Variants in BNIP2 observed in about 807,000 individuals in gnomAD.
BNIP2 encodes BCL2/adenovirus E1B 19 kDa protein-interacting protein 2.
Under a neutral mutation model 43.4 loss-of-function variants are expected in BNIP2, and 36 were observed. The ratio of observed to expected loss-of-function variants is 0.83; its 90% CI spans 0.64 to 1.10. The LOEUF (loss-of-function observed/expected upper bound fraction) is 1.10. BNIP2 is among the 50% of genes least tolerant of loss of function. The probability of loss-of-function intolerance (pLI) is 0.00; values close to 1 mark genes in which losing one functional copy is unlikely to be tolerated. For missense variants in BNIP2, 417 were observed against 374.1 expected, an observed-to-expected ratio of 1.11 and a Z score of -0.95; for synonymous variants, 146 against 121.0, an observed-to-expected ratio of 1.21 and a Z score of -1.35.
intron 5 of BNIP2, chr15:59,676,929 T>A: frequency 6.2e-7 from 1 of 1,610,244 alleles, no homozygotes; most frequent in South Asian, 1.1e-5. Context: ...CTCTTCACCC[T>A]CTGCGAGAAC....
intron 1 of BNIP2, 129 bp from the exon 2 acceptor site, chr15:59,682,643 C>G (rs1178914610): frequency 1.8e-5 from 12 of 672,684 alleles, no homozygotes; most frequent in Non-Finnish European, 2.5e-5. Flanking sequence ...AATTCATTTA[C>G]AGGGTTGCAA....
chr15:59,669,266 CA>C lies in BNIP2; in HGVS notation c.794+9del. 1.3e-6 allele frequency: 2 copies of C among 1,525,734 alleles called. No homozygotes were observed. The highest frequency in any genetic ancestry group is 1.8e-6 in the Non-Finnish European group (2 of 1,138,698). 94.5% of individuals were successfully genotyped at this position (1,525,734 alleles called of 1,614,324 possible). On this transcript the variant is annotated intron_variant, in intron 8 of 9. Transcript: ENST00000607373. The stretch of plus-strand genomic sequence containing the variant: ...AAATAAAATTAAAGTCAATGGCTCT[CA>C]AAAATTACCTAATAAATGGTCTTGT...
intron 6 of BNIP2, 40 bp from the exon 7 acceptor site, chr15:59,671,354 G>A: frequency 2.0e-6 from 3 of 1,530,604 alleles, no homozygotes; most frequent in Non-Finnish European, 2.7e-6. Context: ...AAAAATCACT[G>A]TGCATAACTG....
In BNIP2 at chr15:59,677,896, C is replaced by A; in HGVS notation, c.472+15G>T. The A allele has an allele frequency of 6.3e-7, 1 of 1,578,698 alleles. No homozygotes were observed. Among genetic ancestry groups the A allele is most frequent in the Non-Finnish European group, 8.6e-7 (1 of 1,168,142 alleles). On this transcript the variant is annotated intron_variant, in intron 5 of 9. Coordinates refer to ENST00000607373, the MANE Select transcript of BNIP2 (RefSeq NM_004330.4). ...ATTGCATTAAACAATCTGAAAAATC[C>A]TCAGTAACTCTTACCCCCATGGCTG...
chr15:59,681,388 G>C (rs1893656913), intron 2 of BNIP2, among the ~76,000 whole-genome samples: 1 of 150,132 alleles, frequency 6.7e-6, no homozygotes, highest in Admixed American at 6.6e-5. Context: ...AGATAAGCTA[G>C]AAAATCCTTA....
intron 7 of BNIP2, among the ~76,000 whole-genome samples, chr15:59,670,157 C>T (rs532525355): frequency 7.0e-4 from 107 of 152,316 alleles, no homozygotes; most frequent in Non-Finnish European, 1.5e-3. Flanking sequence ...ATACTGAGCG[C>T]TGTGGCTCAT....
intron 2 of BNIP2, among the ~76,000 whole-genome samples, chr15:59,680,668 TG>T (rs1893610530): frequency 6.6e-6 from 1 of 152,212 alleles, no homozygotes; most frequent in East Asian, 1.9e-4. Context: ...CCCTAAGTGT[TG>T]GGATTACAGG....
Position 59,662,138 on chromosome 15 carries a change from T to A in BNIP2, c.*1931A>T, listed in dbSNP as rs1892312259. The A allele has an allele frequency of 6.6e-6, 1 of 152,182 alleles. No homozygotes were observed. The highest frequency in any genetic ancestry group is 6.5e-5 in the Admixed American group (1 of 15,290). The allele number at this position is 152,182 out of a possible 1,614,324, so 9.4% of individuals were successfully genotyped here. On this transcript the variant is annotated 3_prime_UTR_variant, in exon 10 of 10. Transcript: ENST00000607373. ...AAGTTATTCTTCATATTTTTTAAAC[T>A]GAAGAACCAAGTACTTAATGTGGTA...
rs1209002451 is a variant in BNIP2 at position 59,660,752 on chromosome 15, A to C, written c.*3317T>G. On this transcript the variant is annotated 3_prime_UTR_variant, in exon 10 of 10. Coordinates refer to ENST00000607373, the MANE Select transcript of BNIP2 (RefSeq NM_004330.4). ...TTACTAGTGATGTCCATTTTGGAAG[A>C]CTAAATCAATGTTCAGCAACAGTGA... 1 of 151,562 alleles carries C rather than the reference A, an allele frequency of 6.6e-6. No homozygotes were observed. Among genetic ancestry groups the C allele is most frequent in the Non-Finnish European group, 1.5e-5 (1 of 67,978 alleles). 9.4% of individuals were successfully genotyped at this position (151,562 alleles called of 1,614,324 possible).
chr15:59,659,371 A>G lies in BNIP2; in HGVS notation c.*4698T>C, dbSNP rs1892130605. 6.6e-6 allele frequency: 1 copy of G among 152,230 alleles called. No individual in the cohort carries two copies. Among genetic ancestry groups the G allele is most frequent in the African/African-American group, 2.4e-5 (1 of 41,460 alleles). The allele number at this position is 152,230 out of a possible 1,614,324, so 9.4% of individuals were successfully genotyped here. On this transcript the variant is annotated 3_prime_UTR_variant, in exon 10 of 10. Coordinates refer to ENST00000607373, the MANE Select transcript of BNIP2 (RefSeq NM_004330.4). ...CTCGGCTGGGCAACATCATCTTAAG[A>G]GTAGGAAAATATCACAGTACATTAA...
intron 5 of BNIP2, among the ~76,000 whole-genome samples, chr15:59,675,931 T>A (rs1284073045): frequency 3.3e-5 from 5 of 152,232 alleles, no homozygotes; most frequent in African/African-American, 1.2e-4. Flanking sequence ...GGGGTAGATA[T>A]GACAGTGGCT....
intron 1 of BNIP2, chr15:59,688,372 A>G (rs748822248): frequency 5.1e-5 from 10 of 197,592 alleles, no homozygotes; most frequent in Non-Finnish European, 1.1e-4. Context: ...TAGGTGAAAT[A>G]GAGATCCTAA....
chr15:59,679,532 T>C, intron 4 of BNIP2, 60 bp downstream of exon 4: 1 of 1,506,014 alleles, frequency 6.6e-7, no homozygotes, highest in Non-Finnish European at 9.0e-7. Context: ...AATGATGTAT[T>C]TCAAACAAAA....
rs1264814464 is a variant in BNIP2, at chr15:59,660,425, G to A, written c.*3644C>T. On this transcript the variant is annotated 3_prime_UTR_variant, in exon 10 of 10. Coordinates refer to ENST00000607373, the MANE Select transcript of BNIP2 (RefSeq NM_004330.4). ...TTCTCCACATATAACATGGAAAAAG[G>A]AAGGATGAACCTACCGTAACATCTC... 3.9e-5 allele frequency: 6 copies of A among 152,150 alleles called. No homozygotes were observed. The highest frequency in any genetic ancestry group is 1.4e-4 in the African/African-American group (6 of 41,414). 9.4% of individuals were successfully genotyped at this position (152,150 alleles called of 1,614,324 possible).
chr15:59,672,796 A>T (rs1165418681), intron 5 of BNIP2, 57 bp from the exon 6 acceptor site: 1 of 1,237,716 alleles, frequency 8.1e-7, no homozygotes, highest in Non-Finnish European at 1.2e-6. Flanking sequence ...AGGCATTTTT[A>T]GAAGACATCT....
At chr15:59,685,124 A>G (rs1893929199) in intron 1 of BNIP2, among the ~76,000 whole-genome samples, 1 of 152,216 alleles carries the variant, frequency 6.6e-6, no homozygotes, top group Non-Finnish European at 1.5e-5. Flanking sequence ...TGGTAAGAGG[A>G]AAGGTTTATC....
At chr15:59,685,458 A>G (rs1893953985) in intron 1 of BNIP2, among the ~76,000 whole-genome samples, 1 of 152,152 alleles carries the variant, frequency 6.6e-6, no homozygotes, top group Non-Finnish European at 1.5e-5. Context: ...CTGAGATTGC[A>G]CCACTGCACT....
intron 1 of BNIP2, among the ~76,000 whole-genome samples, chr15:59,686,886 A>G (rs941147999): frequency 6.6e-6 from 1 of 152,182 alleles, no homozygotes; most frequent in Non-Finnish European, 1.5e-5. Flanking sequence ...GAGTGGTGGC[A>G]CTGGCCTGTA....
chr15:59,679,416 GA>G, intron 4 of BNIP2, 175 bp downstream of exon 4: 1 of 578,004 alleles, frequency 1.7e-6, no homozygotes, highest in Non-Finnish European at 2.7e-6. Context: ...AATAAGAGGG[GA>G]AAAAAGCCAC....
Sources: allele counts gnomAD v4.1 joint callset (sites outside exome capture counted in the v4.1 genomes callset), GRCh38; gene constraint gnomAD v4.1.1; transcripts MANE v1.5; gene names NCBI Gene and HGNC (gene_info 2026-07-23, HGNC 2026-07-21).